Variants in GRK3 observed in about 807,000 individuals in gnomAD.
GRK3 encodes adrenergic, beta, receptor kinase 2.
Under a neutral mutation model 95.7 loss-of-function variants are expected in GRK3, and 54 were observed. The observed-to-expected ratio is 0.56, with a 90% CI of 0.45 to 0.71. The LOEUF is 0.71. Ranked by LOEUF, GRK3 falls within the 30% of genes least tolerant of loss-of-function variation. The pLI, the probability that GRK3 is intolerant of heterozygous loss-of-function variation, is 0.00. For synonymous variants in GRK3, 281 were observed against 290.8 expected, an observed-to-expected ratio of 0.97 and a Z score of 0.34; for missense variants, 649 against 851.2, an observed-to-expected ratio of 0.76 and a Z score of 2.96.
chr22:25,605,835 T>G (rs111231392), intron 2 of GRK3, among the ~76,000 whole-genome samples: 3,870 of 100,362 alleles, frequency 0.039, 1 homozygote, highest in East Asian at 0.12. Flanking sequence ...ACACTGTGTG[T>G]CCTTTTGCAC....
intron 1 of GRK3, among the ~76,000 whole-genome samples, chr22:25,570,582 G>A (rs1202560807): frequency 8.5e-5 from 13 of 152,192 alleles, no homozygotes; most frequent in Non-Finnish European, 1.3e-4. Flanking sequence ...TGTCTGCATG[G>A]CTATCATTGT....
intron 10 of GRK3, 33 bp from the exon 11 acceptor site, chr22:25,687,504 A>G (rs2146433908): frequency 1.9e-6 from 3 of 1,608,650 alleles, no homozygotes; most frequent in Admixed American, 1.7e-5. Flanking sequence ...TTAAATTAAC[A>G]TGCTTTGAAT....
At chr22:25,606,721 C>G (rs1169523092) in intron 2 of GRK3, among the ~76,000 whole-genome samples, 2 of 152,188 alleles carry the variant, frequency 1.3e-5, no homozygotes, top group Non-Finnish European at 2.9e-5. Flanking sequence ...CACCACAGGG[C>G]TTGGGAACTG....
chr22:25,588,687 T>G (rs1046091148), intron 1 of GRK3, among the ~76,000 whole-genome samples: 7 of 152,258 alleles, frequency 4.6e-5, no homozygotes, highest in African/African-American at 1.4e-4. Flanking sequence ...TTGATATGAT[T>G]GTGTGGTCAT....
At chr22:25,691,749 A>G (rs773945619) in intron 12 of GRK3, among the ~76,000 whole-genome samples, 10 of 152,214 alleles carry the variant, frequency 6.6e-5, no homozygotes, top group Non-Finnish European at 1.2e-4. Flanking sequence ...ATTAACTTTC[A>G]GATATGGGGT....
intron 15 of GRK3, among the ~76,000 whole-genome samples, chr22:25,707,887 G>A (rs964237837): frequency 2.0e-5 from 3 of 152,018 alleles, no homozygotes; most frequent in African/African-American, 4.8e-5. Context: ...CGGTGTTTCT[G>A]GCAGTACGTC....
intron 3 of GRK3, among the ~76,000 whole-genome samples, chr22:25,652,751 C>T (rs1052908449): frequency 8.5e-5 from 13 of 152,050 alleles, no homozygotes; most frequent in Admixed American, 3.3e-4. Context: ...ACAGTGATCC[C>T]AGAAGATTTT....
At chr22:25,566,182 T>C (rs1931473671) in intron 1 of GRK3, among the ~76,000 whole-genome samples, 1 of 152,206 alleles carries the variant, frequency 6.6e-6, no homozygotes, top group Admixed American at 6.5e-5. Flanking sequence ...GTACAGCTAA[T>C]GTGATTCCTT....
intron 13 of GRK3, among the ~76,000 whole-genome samples, chr22:25,702,189 T>C (rs1259562395): frequency 6.6e-6 from 1 of 152,134 alleles, no homozygotes; most frequent in Non-Finnish European, 1.5e-5. Context: ...TGCCCTCTCT[T>C]GTACAAAAAG....
intron 3 of GRK3, among the ~76,000 whole-genome samples, chr22:25,646,881 T>TGAG (rs2084786698): frequency 6.6e-6 from 1 of 150,782 alleles, no homozygotes; most frequent in African/African-American, 2.4e-5. Context: ...ATTAGCCAGG[T>TGAG]GTGGTGGTGC....
chr22:25,717,342 G>A (rs903806541), intron 18 of GRK3, among the ~76,000 whole-genome samples: 4 of 152,112 alleles, frequency 2.6e-5, no homozygotes, highest in Admixed American at 2.0e-4. Flanking sequence ...TGAAAAGGAC[G>A]ACTCCATCCT....
At chr22:25,676,474 G>A (rs902700444) in intron 8 of GRK3, among the ~76,000 whole-genome samples, 1 of 152,060 alleles carries the variant, frequency 6.6e-6, no homozygotes. Flanking sequence ...GGCCGATCAC[G>A]AGGTCAGGAG....
chr22:25,606,428 A>C (rs1373492190), intron 2 of GRK3, among the ~76,000 whole-genome samples: 2 of 152,114 alleles, frequency 1.3e-5, no homozygotes. Flanking sequence ...TCTCTGTAGT[A>C]GTCTCACTTT....
At chr22:25,680,939 T>A (rs2146425288) in intron 9 of GRK3, among the ~76,000 whole-genome samples, 1 of 152,146 alleles carries the variant, frequency 6.6e-6, no homozygotes, top group Admixed American at 6.5e-5. Context: ...AGTTTTCTTT[T>A]TACTGGAAGG....
chr22:25,593,320 T>G (rs1397730559), intron 1 of GRK3, among the ~76,000 whole-genome samples: 1 of 152,132 alleles, frequency 6.6e-6, no homozygotes, highest in Non-Finnish European at 1.5e-5. Context: ...GGCATTCCCA[T>G]TTCTCCGAAG....
At chr22:25,647,046 AAAAG>A (rs958931860) in intron 3 of GRK3, among the ~76,000 whole-genome samples, 6 of 151,210 alleles carry the variant, frequency 4.0e-5, no homozygotes, top group African/African-American at 1.2e-4. Flanking sequence ...AAAAAAAAGA[AAAAG>A]AAAAAAAATG....
chr22:25,634,832 A>T (rs2084688302), intron 2 of GRK3, among the ~76,000 whole-genome samples: 1 of 152,176 alleles, frequency 6.6e-6, no homozygotes, highest in East Asian at 1.9e-4. Flanking sequence ...GCCAAATTTC[A>T]GTTATTTTTC....
intron 2 of GRK3, among the ~76,000 whole-genome samples, chr22:25,609,860 T>C (rs2084482653): frequency 6.7e-6 from 1 of 149,682 alleles, no homozygotes; most frequent in Non-Finnish European, 1.5e-5. Flanking sequence ...TTTTTTTTTT[T>C]TTTTTGAGAC....
intron 14 of GRK3, 25 bp downstream of exon 14, chr22:25,703,601 T>C (rs2085275174): frequency 2.6e-6 from 4 of 1,533,792 alleles, no homozygotes; most frequent in Non-Finnish European, 3.6e-6. Context: ...AACTGTATTC[T>C]TGTCTGTATG....
Sources: allele counts gnomAD v4.1 joint callset (sites outside exome capture counted in the v4.1 genomes callset), GRCh38; gene constraint gnomAD v4.1.1; transcripts MANE v1.5; gene names NCBI Gene and HGNC (gene_info 2026-07-23, HGNC 2026-07-21).